The following ZNF704 variants were observed in gnomAD, a reference collection of about 807,000 sequenced individuals.
ZNF704 encodes glucocorticoid induced gene 1.
ZNF704 carries 10 observed loss-of-function variants against 44.7 expected under a neutral mutation model. That is an observed-to-expected ratio of 0.22 (90% CI 0.14 to 0.38). ZNF704 has a LOEUF of 0.38. Ranked by LOEUF, ZNF704 falls within the 10% of genes least tolerant of loss-of-function variation. The pLI, the probability that ZNF704 is intolerant of heterozygous loss-of-function variation, is 1.00. For missense variants in ZNF704, 390 were observed against 545.5 expected, an observed-to-expected ratio of 0.71 and a Z score of 2.84; for synonymous variants, 211 against 207.6, an observed-to-expected ratio of 1.02 and a Z score of -0.14.
Position 80,638,195 on chromosome 8 carries a change from C to T in ZNF704, c.*3171G>A, listed in dbSNP as rs1817690176. The T allele has an allele frequency of 6.6e-6, 1 of 152,300 alleles. No individual in the cohort carries two copies. 9.4% of individuals were successfully genotyped at this position (152,300 alleles called of 1,614,324 possible). A position where few individuals can be genotyped will look rare whatever the true frequency, so the allele number is the denominator to read the frequency against. Reference sequence around the variant, plus strand: ...AAGGCTTAACACCACTGCCTGCTGGCCACTCTGCTTTGTCGCTCTCTGGAG... The same window carrying T: ...AAGGCTTAACACCACTGCCTGCTGGTCACTCTGCTTTGTCGCTCTCTGGAG... On this transcript the variant is annotated 3_prime_UTR_variant, in exon 9 of 9. Coordinates refer to ENST00000327835, the MANE Select transcript of ZNF704 (RefSeq NM_001033723.3).
At chr8:80,815,431 T>C (rs1333550792) in intron 2 of ZNF704, among the ~76,000 whole-genome samples, 1 of 152,256 alleles carries the variant, frequency 6.6e-6, no homozygotes, top group Non-Finnish European at 1.5e-5. Flanking sequence ...AATTTAAGCA[T>C]CAGTACCTTC....
At chr8:80,821,295 T>A (rs1285853192) in intron 2 of ZNF704, 79 bp downstream of exon 2, 3 of 1,395,552 alleles carry the variant, frequency 2.1e-6, no homozygotes, top group Non-Finnish European at 3.0e-6. Flanking sequence ...CTGAAGAGAG[T>A]CTGTACACTG....
intron 3 of ZNF704, 46 bp from the exon 4 acceptor site, chr8:80,687,504 G>C: frequency 7.1e-7 from 1 of 1,405,442 alleles, no homozygotes; most frequent in South Asian, 1.4e-5. Context: ...CTGCGTGCCC[G>C]GGCATGGTTC....
chr8:80,729,366 C>T (rs533254127), intron 2 of ZNF704, among the ~76,000 whole-genome samples: 19 of 152,240 alleles, frequency 1.2e-4, no homozygotes, highest in Middle Eastern at 6.8e-3. Context: ...GTTTTCTTAG[C>T]TATAAATGGG....
At position 80,757,409 on chromosome 8, in the gene ZNF704, A is replaced by G. The variant is rs139547335; in HGVS notation, c.221+63965T>C. 4.3e-3 allele frequency among the ~76,000 whole-genome samples: 661 copies of G among 152,300 alleles called. 5 individuals carry two copies. Among genetic ancestry groups the G allele is most frequent in the African/African-American group, 0.015 (617 of 41,574 alleles). ...AAGAAAATATTTTGTGTAGCTATAT[A>G]ATGTATCTGTGTTTTAAGCTAAGTG... On this transcript the variant is annotated intron_variant, in intron 2 of 8. Transcript: ENST00000327835.
chr8:80,692,872 G>A (rs1008132385), intron 3 of ZNF704, 132 bp downstream of exon 3: 26 of 780,082 alleles, frequency 3.3e-5, no homozygotes, highest in African/African-American at 1.0e-4. Context: ...CTTCTTCCAC[G>A]TTTCTCTTTG....
chr8:80,677,533 T>A (rs1000470482), intron 4 of ZNF704, among the ~76,000 whole-genome samples: 2 of 152,184 alleles, frequency 1.3e-5, no homozygotes, highest in Admixed American at 6.5e-5. Context: ...CAATTGTTTA[T>A]CTCCTCCTCA....
At chr8:80,781,448 G>A (rs527830061) in intron 2 of ZNF704, among the ~76,000 whole-genome samples, 18 of 152,210 alleles carry the variant, frequency 1.2e-4, no homozygotes, top group South Asian at 4.2e-4. Context: ...TAATTTTCAC[G>A]TCATGAAATA....
intron 1 of ZNF704, among the ~76,000 whole-genome samples, chr8:80,858,492 G>A (rs895605322): frequency 3.4e-4 from 51 of 152,160 alleles, no homozygotes; most frequent in African/African-American, 1.2e-3. Context: ...AGCACTTTGG[G>A]AGGCTGAGGC....
At chr8:80,861,095 T>A (rs565784947) in intron 1 of ZNF704, among the ~76,000 whole-genome samples, 2 of 152,348 alleles carry the variant, frequency 1.3e-5, no homozygotes, top group East Asian at 3.9e-4. Context: ...GACTGTCTAG[T>A]AGCATGCAGA....
intron 1 of ZNF704, among the ~76,000 whole-genome samples, chr8:80,869,814 T>G (rs1441977346): frequency 6.6e-6 from 1 of 152,254 alleles, no homozygotes; most frequent in African/African-American, 2.4e-5. Context: ...TCCATCTTGC[T>G]GGCAGGCAGG....
At chr8:80,795,832 G>T (rs1372480853) in intron 2 of ZNF704, among the ~76,000 whole-genome samples, 1 of 152,132 alleles carries the variant, frequency 6.6e-6, no homozygotes, top group Non-Finnish European at 1.5e-5. Context: ...TCTCAATGAG[G>T]GTGCACTGGC....
At chr8:80,699,695 T>C (rs1470224275) in intron 2 of ZNF704, among the ~76,000 whole-genome samples, 1 of 152,232 alleles carries the variant, frequency 6.6e-6, no homozygotes, top group East Asian at 1.9e-4. Flanking sequence ...AGACTGGCAC[T>C]GGCCCATGGT....
intron 5 of ZNF704, among the ~76,000 whole-genome samples, chr8:80,666,812 G>A (rs1270777092): frequency 3.3e-5 from 5 of 150,318 alleles, no homozygotes; most frequent in Admixed American, 3.3e-4. Flanking sequence ...TGATGGGGTT[G>A]TTTGTTTTTT....
chr8:80,873,912 C>G (rs1295113387), intron 1 of ZNF704, among the ~76,000 whole-genome samples: 2 of 146,266 alleles, frequency 1.4e-5, no homozygotes, highest in Non-Finnish European at 3.0e-5. Flanking sequence ...GGGGCCGGGC[C>G]CGGGACAGGG....
intron 1 of ZNF704, among the ~76,000 whole-genome samples, chr8:80,855,657 A>T (rs1015987566): frequency 6.6e-6 from 1 of 152,220 alleles, no homozygotes; most frequent in Non-Finnish European, 1.5e-5. Context: ...GAGATTACTT[A>T]ATGGATACAA....
intron 1 of ZNF704, among the ~76,000 whole-genome samples, chr8:80,839,026 G>C (rs938629995): frequency 1.3e-5 from 2 of 152,224 alleles, no homozygotes; most frequent in Admixed American, 1.3e-4. Flanking sequence ...CCAGAGGCCT[G>C]GCTTCGGCTG....
chr8:80,787,740 T>C (rs1216523481), intron 2 of ZNF704, among the ~76,000 whole-genome samples: 1 of 152,184 alleles, frequency 6.6e-6, no homozygotes, highest in Admixed American at 6.6e-5. Flanking sequence ...CTGAGATCTG[T>C]AGTACAAAAC....
intron 2 of ZNF704, among the ~76,000 whole-genome samples, chr8:80,758,413 C>G (rs1807073601): frequency 6.6e-6 from 1 of 152,182 alleles, no homozygotes; most frequent in African/African-American, 2.4e-5. Context: ...CACAGAACTA[C>G]AGGTCATTAT....
Sources: allele counts gnomAD v4.1 joint callset (sites outside exome capture counted in the v4.1 genomes callset), GRCh38; gene constraint gnomAD v4.1.1; transcripts MANE v1.5; gene names NCBI Gene and HGNC (gene_info 2026-07-23, HGNC 2026-07-21).